TNFSF8: variants seen among roughly 807,000 people sequenced by gnomAD.
TNFSF8 encodes the protein tumor necrosis factor ligand superfamily member 8.
In TNFSF8, 4 loss-of-function variants were observed where a neutral mutation model predicts 22.0. The observed-to-expected ratio is 0.18, with a 90% CI of 0.09 to 0.42. TNFSF8 has a LOEUF of 0.42. Among genes scored for constraint, TNFSF8 ranks in the 10% least tolerant of loss-of-function variants. The pLI is 1.00. For missense variants in TNFSF8, 233 were observed against 281.8 expected (o/e 0.83, Z 1.24); for synonymous variants, 106 against 112.5 (o/e 0.94, Z 0.37).
intron 1 of TNFSF8, among the ~76,000 whole-genome samples, chr9:114,925,138 A>G (rs1828041433): frequency 1.3e-5 from 2 of 152,172 alleles, no homozygotes. Context: ...CAGGGGAGAG[A>G]GTCCAGTGGC....
At chr9:114,905,983 A>G in intron 2 of TNFSF8, 84 bp from the exon 3 acceptor site, 1 of 873,032 alleles carries the variant, frequency 1.1e-6, no homozygotes, top group Non-Finnish European at 1.9e-6. Flanking sequence ...CAACACTTTG[A>G]TGGAGACAAT....
rs944115927 is a variant in TNFSF8 at position 114,901,246 on chromosome 9, A to G, written c.*2685T>C. The G allele has an allele frequency of 1.5e-4, 149 of 985,302 alleles. No homozygotes were observed. Among genetic ancestry groups the G allele is most frequent in the Non-Finnish European group, 1.8e-4 (147 of 829,940 alleles). The allele number at this position is 985,302 out of a possible 1,614,324, so 61.0% of individuals were successfully genotyped here. On this transcript the variant is annotated 3_prime_UTR_variant, in exon 4 of 4. Coordinates refer to ENST00000223795, the MANE Select transcript of TNFSF8 (RefSeq NM_001244.4). ...TCCCAGGGGCTGGTTAACCCTCAAG[A>G]GTAACAGAATTTAGTTTTAAACTTC...
rs1040007476 is a variant in TNFSF8 at position 114,903,722 on chromosome 9, C to T, written c.*209G>A. Reference sequence around the variant, plus strand: ...CTCTGCCCACCACACTACATTGCTTCCCTGCCTGCTATCTGAAAGATACTT... The same window carrying T: ...CTCTGCCCACCACACTACATTGCTTTCCTGCCTGCTATCTGAAAGATACTT... On this transcript the variant is annotated 3_prime_UTR_variant, in exon 4 of 4. Coordinates refer to ENST00000223795, the MANE Select transcript of TNFSF8 (RefSeq NM_001244.4). 1.4e-5 allele frequency: 18 copies of T among 1,320,072 alleles called. No individual in the cohort carries two copies. The highest frequency in any genetic ancestry group is 5.9e-5 in the East Asian group (2 of 33,738). The allele number at this position is 1,320,072 out of a possible 1,614,324, so 81.8% of individuals were successfully genotyped here.
At position 114,895,969 on chromosome 9, in the gene TNFSF8, A is replaced by G. The variant is rs376199836; in HGVS notation, c.410-1805T>C. Among the ~76,000 whole-genome samples the G allele has an allele frequency of 3.0e-4, 45 of 152,370 alleles. No individual in the cohort carries two copies. The South Asian group carries it at 8.9e-3, about 30-fold the overall frequency. ...GTTGGATCAAAAGCAGTTGTTAAAAATTCAGTGGTGATCATTACAAATGAA... is the reference window on the plus strand; with the variant it reads ...GTTGGATCAAAAGCAGTTGTTAAAAGTTCAGTGGTGATCATTACAAATGAA... On this transcript the variant is annotated intron_variant, in intron 4 of 4. Coordinates refer to the TNFSF8 transcript ENST00000618336.
intron 4 of TNFSF8, among the ~76,000 whole-genome samples, chr9:114,894,340 A>G (rs1401959681): frequency 2.7e-5 from 3 of 111,040 alleles, no homozygotes; most frequent in African/African-American, 4.9e-5. Context: ...TCCAGGTTGC[A>G]TGTCTAATTT....
intron 2 of TNFSF8, among the ~76,000 whole-genome samples, chr9:114,915,957 G>A (rs980139470): frequency 2.0e-5 from 3 of 152,138 alleles, no homozygotes; most frequent in African/African-American, 4.8e-5. Flanking sequence ...TCCCATTCAT[G>A]GTCCAGATAA....
chr9:114,899,351 T>A (rs1297970096), downstream of TNFSF8, among the ~76,000 whole-genome samples: 25 of 147,842 alleles, frequency 1.7e-4, 1 homozygote, highest in Middle Eastern at 6.9e-3. Flanking sequence ...TATTATTTTT[T>A]TTTTTTTTTC....
At chr9:114,927,025 C>T (rs10817685) in intron 1 of TNFSF8, among the ~76,000 whole-genome samples, 67,528 of 133,066 alleles carry the variant, frequency 0.51, 18,109 homozygotes, top group African/African-American at 0.74. Flanking sequence ...ATATTTATAA[C>T]ATAAAATGTT....
chr9:114,894,168 G>A, intron 4 of TNFSF8: 1 of 1,533,698 alleles, frequency 6.5e-7, no homozygotes, highest in Non-Finnish European at 8.7e-7. Context: ...CAGTAATCTG[G>A]AAGAAAGAAT....
intron 2 of TNFSF8, among the ~76,000 whole-genome samples, chr9:114,907,821 C>T (rs1050005258): frequency 1.3e-5 from 2 of 152,052 alleles, no homozygotes; most frequent in African/African-American, 4.8e-5. Context: ...AAGAGAGGTA[C>T]CATAATTAAG....
At chr9:114,912,664 T>G (rs1239815340) in intron 2 of TNFSF8, among the ~76,000 whole-genome samples, 26 of 152,240 alleles carry the variant, frequency 1.7e-4, no homozygotes, top group Non-Finnish European at 1.2e-4. Flanking sequence ...GCACGTTGCC[T>G]CTTGACTGCT....
Position 114,901,902 on chromosome 9 carries a change from C to G in TNFSF8, c.*2029G>C. 1 of 966,930 alleles carries G rather than the reference C, an allele frequency of 1.0e-6. No individual in the cohort carries two copies. The highest frequency in any genetic ancestry group is 1.2e-6 in the Non-Finnish European group (1 of 813,152). 59.9% of individuals were successfully genotyped at this position (966,930 alleles called of 1,614,324 possible). On this transcript the variant is annotated 3_prime_UTR_variant, in exon 4 of 4. Coordinates refer to ENST00000223795, the MANE Select transcript of TNFSF8 (RefSeq NM_001244.4). ...TTCTCTCAAGTCCCTTTCATCCATA[C>G]CACCACTGCTGATTTGTTCTTTCTT...
intron 2 of TNFSF8, among the ~76,000 whole-genome samples, chr9:114,916,228 G>C (rs146368826): frequency 6.6e-6 from 1 of 152,284 alleles, no homozygotes; most frequent in Admixed American, 6.5e-5. Flanking sequence ...GAGGAAGAGT[G>C]CCTCTTACAT....
rs192414504 is a variant in TNFSF8, at chr9:114,912,292, A to C, written c.238+5804T>G. 3.2e-4 allele frequency among the ~76,000 whole-genome samples: 48 copies of C among 152,350 alleles called. 1 individual carries two copies. Among genetic ancestry groups the C allele is most frequent in the African/African-American group, 1.1e-3 (44 of 41,590 alleles). ...AAACAGTGGTTGAGTCCTGTGCCCT[A>C]GTCCATGGTTTGTGCTGCTTGAAAT... On this transcript the variant is annotated intron_variant, in intron 2 of 3. Coordinates refer to ENST00000223795, the MANE Select transcript of TNFSF8 (RefSeq NM_001244.4).
intron 2 of TNFSF8, among the ~76,000 whole-genome samples, chr9:114,908,821 C>A (rs1043987037): frequency 6.6e-6 from 1 of 152,068 alleles, no homozygotes; most frequent in African/African-American, 2.4e-5. Context: ...AAAAGCAGGA[C>A]ACTAGAGGAG....
chr9:114,929,971 T>C (rs935416773), intron 1 of TNFSF8, 138 bp downstream of exon 1: 4 of 330,208 alleles, frequency 1.2e-5, no homozygotes, highest in Non-Finnish European at 2.1e-5. Flanking sequence ...AGTATATATA[T>C]ATATATAGAG....
chr9:114,919,241 TAC>T (rs1827958953), intron 1 of TNFSF8, among the ~76,000 whole-genome samples: 1 of 152,074 alleles, frequency 6.6e-6, no homozygotes, highest in African/African-American at 2.4e-5. Context: ...ACATGTAGTA[TAC>T]ATACAAATGC....
chr9:114,930,280 T>G lies in TNFSF8; in HGVS notation c.24A>C (p.Ala8=). 6.3e-7 allele frequency: 1 copy of G among 1,590,274 alleles called. No individual in the cohort carries two copies. The highest frequency in any genetic ancestry group is 8.6e-7 in the Non-Finnish European group (1 of 1,168,526). MDPGLQQ[A]LNGMAPPGDT... ...CTCCAGGAGGGGCCATTCCGTTGAG[T>G]GCTTGCTGCAGCCCTGGGTCCATTC... Residue 8 remains alanine, a synonymous_variant, in exon 1 of 4, where the codon GCA becomes GCC. Coordinates refer to ENST00000223795, the MANE Select transcript of TNFSF8 (RefSeq NM_001244.4).
chr9:114,923,478 T>TTTTCTTTCTTTTTCTTTC (rs1828014849), intron 1 of TNFSF8, among the ~76,000 whole-genome samples: 1 of 105,682 alleles, frequency 9.5e-6, no homozygotes, highest in Non-Finnish European at 1.9e-5. Context: ...TTTTCTTTCT[T>TTTTCTTTCTTTTTCTTTC]TTTCTTTCTT....
Sources: gnomAD v4.1 joint callset for allele counts (sites outside exome capture counted in the v4.1 genomes callset) on GRCh38, gnomAD v4.1.1 for gene constraint, MANE v1.5 for transcripts, NCBI Gene and HGNC (gene_info 2026-07-23, HGNC 2026-07-21) for gene names.